Variants in LAMA2 observed in about 807,000 individuals in gnomAD.
The protein encoded by LAMA2 is laminin subunit alpha-2.
Under a neutral mutation model 364.8 loss-of-function variants are expected in LAMA2, and 269 were observed. That is an observed-to-expected ratio of 0.74 (90% CI 0.67 to 0.82). The LOEUF is 0.82. LAMA2 is among the 40% of genes least tolerant of loss of function. The pLI is 0.00. For synonymous variants in LAMA2, 1,379 were observed against 1,370.6 expected, an observed-to-expected ratio of 1.01 and a Z score of -0.14; for missense variants, 3,807 against 3,873.2, an observed-to-expected ratio of 0.98 and a Z score of 0.45.
chr6:129,097,401 C>T (rs1775251447), intron 3 of LAMA2, among the ~76,000 whole-genome samples: 1 of 152,200 alleles, frequency 6.6e-6, no homozygotes, highest in Non-Finnish European at 1.5e-5. Flanking sequence ...TTTACGTCTT[C>T]AAATTCTATA....
At chr6:129,506,636 C>T (rs140596559) in intron 61 of LAMA2, among the ~76,000 whole-genome samples, 244 of 151,956 alleles carry the variant, frequency 1.6e-3, no homozygotes, top group African/African-American at 5.7e-3. Flanking sequence ...GAGAGAAGCA[C>T]GGGGGATTGA....
At chr6:129,212,965 GC>G (rs567981957) in intron 12 of LAMA2, among the ~76,000 whole-genome samples, 2 of 152,132 alleles carry the variant, frequency 1.3e-5, no homozygotes, top group Non-Finnish European at 2.9e-5. Context: ...CATACCCTGA[GC>G]AGACTTGACA....
chr6:129,392,436 C>T (rs1162041271), intron 36 of LAMA2, among the ~76,000 whole-genome samples: 1 of 152,134 alleles, frequency 6.6e-6, no homozygotes, highest in African/African-American at 2.4e-5. Context: ...TTAACAAGCC[C>T]TTCAGGGGAT....
chr6:129,424,701 G>C (rs1781242251), intron 40 of LAMA2, among the ~76,000 whole-genome samples: 1 of 151,934 alleles, frequency 6.6e-6, no homozygotes, highest in African/African-American at 2.4e-5. Flanking sequence ...TAAAAGACAG[G>C]TTATACCAAG....
intron 42 of LAMA2, 127 bp downstream of exon 42, chr6:129,438,889 T>C: frequency 1.4e-6 from 1 of 690,726 alleles, no homozygotes; most frequent in Non-Finnish European, 2.7e-6. Context: ...CTGTTTTTCT[T>C]ACTCATGAAT....
chr6:129,099,626 A>T (rs968924947), intron 4 of LAMA2, among the ~76,000 whole-genome samples: 1 of 152,168 alleles, frequency 6.6e-6, no homozygotes. Context: ...CCATATTCAC[A>T]TTCTATCATG....
chr6:129,164,478 A>G (rs1359785251), intron 8 of LAMA2, among the ~76,000 whole-genome samples: 1 of 152,212 alleles, frequency 6.6e-6, no homozygotes, highest in East Asian at 1.9e-4. Context: ...CGGAGAATAC[A>G]ATGCAGACAC....
intron 3 of LAMA2, among the ~76,000 whole-genome samples, chr6:129,089,700 A>T (rs972446060): frequency 3.3e-5 from 5 of 152,226 alleles, no homozygotes; most frequent in Admixed American, 1.3e-4. Context: ...GGGTAGTGCT[A>T]AAGACAAGGA....
intron 12 of LAMA2, among the ~76,000 whole-genome samples, chr6:129,246,403 C>G (rs1345524798): frequency 6.6e-6 from 1 of 152,150 alleles, no homozygotes; most frequent in African/African-American, 2.4e-5. Context: ...TATTGCAGTG[C>G]CCAACAGATA....
At chr6:129,098,972 C>T (rs181882596) in intron 4 of LAMA2, among the ~76,000 whole-genome samples, 2 of 152,140 alleles carry the variant, frequency 1.3e-5, no homozygotes, top group African/African-American at 2.4e-5. Flanking sequence ...AGCTAGGTTA[C>T]GTGCTTAGTT....
At chr6:129,180,697 T>C (rs1018006540) in intron 10 of LAMA2, among the ~76,000 whole-genome samples, 3 of 152,154 alleles carry the variant, frequency 2.0e-5, no homozygotes, top group Non-Finnish European at 4.4e-5. Flanking sequence ...AATACAGATA[T>C]GCTGCATAAA....
At chr6:129,374,978 T>C (rs1300903094) in intron 34 of LAMA2, among the ~76,000 whole-genome samples, 3 of 149,910 alleles carry the variant, frequency 2.0e-5, no homozygotes, top group African/African-American at 7.4e-5. Flanking sequence ...CATGTCAAGG[T>C]TGATCCTGCA....
At chr6:129,450,160 T>G (rs1016590813) in intron 45 of LAMA2, among the ~76,000 whole-genome samples, 3 of 151,586 alleles carry the variant, frequency 2.0e-5, no homozygotes, top group Non-Finnish European at 2.9e-5. Context: ...GAATCCCGTT[T>G]TTTTTTTTTT....
intron 40 of LAMA2, among the ~76,000 whole-genome samples, chr6:129,410,370 A>C (rs750983195): frequency 1.5e-4 from 22 of 151,468 alleles, no homozygotes; most frequent in Non-Finnish European, 2.4e-4. Flanking sequence ...TGGCAAATGG[A>C]GTTCTCCTCT....
intron 1 of LAMA2, among the ~76,000 whole-genome samples, chr6:128,917,650 C>G (rs1025087257): frequency 2.0e-5 from 3 of 150,454 alleles, no homozygotes; most frequent in Non-Finnish European, 4.4e-5. Flanking sequence ...CATTTTCTTA[C>G]AACTTTTTCT....
intron 22 of LAMA2, among the ~76,000 whole-genome samples, chr6:129,304,658 C>T (rs1269883047): frequency 2.0e-5 from 3 of 152,168 alleles, no homozygotes; most frequent in African/African-American, 4.8e-5. Flanking sequence ...TTTCCAGAAA[C>T]TACTTTGTTT....
intron 1 of LAMA2, among the ~76,000 whole-genome samples, chr6:128,912,030 A>T (rs1778003176): frequency 6.6e-6 from 1 of 152,094 alleles, no homozygotes; most frequent in South Asian, 2.1e-4. Context: ...CTCCATTTTT[A>T]TTTTATTGGC....
At chr6:129,098,506 G>T in intron 4 of LAMA2, 91 bp downstream of exon 4, 2 of 1,434,592 alleles carry the variant, frequency 1.4e-6, no homozygotes, top group Non-Finnish European at 1.9e-6. Flanking sequence ...TTAATGTCAG[G>T]GAGATTTTAA....
rs56344948 is a variant in LAMA2, at chr6:129,442,446, C to A, written c.6269-617C>A. On this transcript the variant is annotated intron_variant, in intron 43 of 64. Transcript: ENST00000421865. ...ATGATTTATGCCAAATCACAATATTCCCACTAAAAATGAATGAAAACAAAA... is the reference window on the plus strand; with the variant it reads ...ATGATTTATGCCAAATCACAATATTACCACTAAAAATGAATGAAAACAAAA... Among the ~76,000 whole-genome samples, 6 of 152,186 alleles carry A rather than the reference C, an allele frequency of 3.9e-5. No homozygotes were observed. The South Asian group carries it at 6.2e-4, about 16-fold the overall frequency.
Sources: allele counts gnomAD v4.1 joint callset (sites outside exome capture counted in the v4.1 genomes callset), GRCh38; gene constraint gnomAD v4.1.1; transcripts MANE v1.5; gene names NCBI Gene and HGNC (gene_info 2026-07-23, HGNC 2026-07-21).